The following RGSL1 variants were observed in gnomAD, a reference collection of about 807,000 sequenced individuals.
RGSL1 encodes the protein regulator of G protein signaling like 1, also known as regulator of G protein signaling protein-like.
Under a neutral mutation model 124.7 loss-of-function variants are expected in RGSL1, and 97 were observed. The observed-to-expected ratio is 0.78, with a 90% CI of 0.66 to 0.92. The LOEUF (loss-of-function observed/expected upper bound fraction) is 0.92, where lower values mean the gene tolerates loss of function less well. Among genes scored for constraint, RGSL1 ranks in the 40% least tolerant of loss-of-function variants. The pLI, the probability that RGSL1 is intolerant of heterozygous loss-of-function variation, is 0.00. For synonymous variants in RGSL1, 424 were observed against 438.1 expected, an observed-to-expected ratio of 0.97 and a Z score of 0.40; for missense variants, 1,233 against 1,288.4, an observed-to-expected ratio of 0.96 and a Z score of 0.66.
At chr1:182,490,662 C>T (rs1655449608) in intron 8 of RGSL1, among the ~76,000 whole-genome samples, 1 of 152,096 alleles carries the variant, frequency 6.6e-6, no homozygotes, top group South Asian at 2.1e-4. Context: ...ATATGTTGGG[C>T]AATAGGCGTT....
At chr1:182,515,649 G>A (rs1435166363) in intron 9 of RGSL1, among the ~76,000 whole-genome samples, 1 of 152,144 alleles carries the variant, frequency 6.6e-6, no homozygotes, top group Non-Finnish European at 1.5e-5. Context: ...TTAGACCAGT[G>A]AGGATCCTTC....
chr1:182,504,596 C>T (rs1656673950), intron 9 of RGSL1, among the ~76,000 whole-genome samples: 1 of 150,170 alleles, frequency 6.7e-6, no homozygotes, highest in Admixed American at 6.7e-5. Context: ...TAGAAACTCC[C>T]CAGGATTTGT....
chr1:182,555,770 G>T (rs550285163), intron 20 of RGSL1: 3 of 467,340 alleles, frequency 6.4e-6, no homozygotes, highest in Non-Finnish European at 7.7e-6. Context: ...TTATTTGCCC[G>T]TCCCAGTGCC....
intron 9 of RGSL1, among the ~76,000 whole-genome samples, chr1:182,519,158 G>A (rs1394381795): frequency 6.6e-6 from 1 of 151,922 alleles, no homozygotes; most frequent in East Asian, 1.9e-4. Context: ...ATGTATTATT[G>A]TTTTATGAGT....
At chr1:182,488,777 A>C (rs944957586) in intron 7 of RGSL1, 3 of 500,640 alleles carry the variant, frequency 6.0e-6, no homozygotes, top group Non-Finnish European at 1.0e-5. Flanking sequence ...ACAACCACAG[A>C]AAATTTCTTC....
chr1:182,532,090 G>T (rs931372676), intron 13 of RGSL1, among the ~76,000 whole-genome samples: 1 of 152,060 alleles, frequency 6.6e-6, no homozygotes, highest in Non-Finnish European at 1.5e-5. Flanking sequence ...AGTCTTTCTG[G>T]CTCTAAGTAT....
intron 10 of RGSL1, 148 bp from the exon 11 acceptor site, chr1:182,527,431 A>G: frequency 3.3e-6 from 2 of 611,562 alleles, no homozygotes; most frequent in Non-Finnish European, 5.6e-6. Flanking sequence ...AAAGAAATAG[A>G]CAGATTTAGC....
intron 4 of RGSL1, among the ~76,000 whole-genome samples, chr1:182,469,909 A>G (rs1182798827): frequency 1.3e-5 from 2 of 152,194 alleles, no homozygotes; most frequent in Non-Finnish European, 2.9e-5. Flanking sequence ...CAGTCACAGA[A>G]AGACAAATAC....
At chr1:182,548,500 T>A in intron 16 of RGSL1, 45 bp downstream of exon 16, 2 of 1,548,704 alleles carry the variant, frequency 1.3e-6, no homozygotes, top group Non-Finnish European at 1.7e-6. Flanking sequence ...CCAAGAAGCA[T>A]TTCCCCCACA....
intron 10 of RGSL1, among the ~76,000 whole-genome samples, chr1:182,522,813 C>A (rs1229016797): frequency 6.6e-6 from 1 of 152,136 alleles, no homozygotes; most frequent in Non-Finnish European, 1.5e-5. Flanking sequence ...TGTTTTCCAA[C>A]TTCTTGACTT....
chr1:182,454,095 C>A, intron 2 of RGSL1, 55 bp downstream of exon 2: 1 of 1,024,062 alleles, frequency 9.8e-7, no homozygotes, highest in Non-Finnish European at 1.5e-6. Context: ...AATAGTGAAT[C>A]TCACAGAGCT....
At chr1:182,533,119 C>G (rs776286827) in intron 14 of RGSL1, among the ~76,000 whole-genome samples, 1 of 152,084 alleles carries the variant, frequency 6.6e-6, no homozygotes, top group Non-Finnish European at 1.5e-5. Flanking sequence ...TTAATACATG[C>G]TGTTAATAAA....
chr1:182,532,692 A>G lies in RGSL1; in HGVS notation c.2395A>G (p.Ile799Val). ...AGGCTGGATGAGAATGATCAGCTTT[A>G]TCAGGAGTTTTTGCAAGTACCGCAG... is the stretch of plus-strand genomic sequence containing the variant. ...KKGWMRMISF[I>V]RSFCKYRRFM... is the part of the protein sequence containing the mutation. The change falls in exon 14 of 22, where the codon ATC (isoleucine) becomes GTC (valine). Residue 799 changes from isoleucine to valine, a missense_variant. Physicochemically the swap from Ile to Val is conservative, Grantham distance 29 (BLOSUM62 3). Coordinates refer to ENST00000294854, the MANE Select transcript of RGSL1 (RefSeq NM_001137669.2). 6.4e-7 allele frequency: 1 copy of G among 1,551,048 alleles called. No homozygotes were observed. Among genetic ancestry groups the G allele is most frequent in the Non-Finnish European group, 8.7e-7 (1 of 1,146,442 alleles).
chr1:182,540,025 C>T (rs998144430), intron 14 of RGSL1, among the ~76,000 whole-genome samples: 1 of 152,134 alleles, frequency 6.6e-6, no homozygotes, highest in Admixed American at 6.6e-5. Context: ...TAAGCACCTT[C>T]GGTGCTCAGT....
At chr1:182,509,254 T>A (rs1366845186) in intron 9 of RGSL1, among the ~76,000 whole-genome samples, 30 of 50,138 alleles carry the variant, frequency 6.0e-4, no homozygotes, top group Non-Finnish European at 1.3e-3. Flanking sequence ...CACTTCCCAG[T>A]AGGGGCGGCC....
At chr1:182,530,171 A>C (rs1366108578) in intron 11 of RGSL1, 73 bp from the exon 12 acceptor site, 8 of 1,195,828 alleles carry the variant, frequency 6.7e-6, no homozygotes, top group Non-Finnish European at 9.4e-6. Flanking sequence ...AAAAAAAAAA[A>C]ACAAAAAACC....
chr1:182,468,967 C>T (rs903360380), intron 4 of RGSL1, among the ~76,000 whole-genome samples: 3 of 151,924 alleles, frequency 2.0e-5, no homozygotes, highest in Non-Finnish European at 4.4e-5. Flanking sequence ...TGGATGTCCA[C>T]GTGCGAAATA....
rs1241707172 is a variant in RGSL1 at position 182,473,772 on chromosome 1, A to G, written c.661A>G (p.Ser221Gly). The change falls in exon 6 of 22, where the codon AGC becomes GGC. Residue 221 changes from serine (S) to glycine (G), a missense_variant. Coordinates refer to ENST00000294854, the MANE Select transcript of RGSL1 (RefSeq NM_001137669.2). Reference sequence around the variant, plus strand: ...GCAAGAGTACGAGACTCGCTTATACAGCGTTTGCTACACCCACATAGGAGG... The same window carrying G: ...GCAAGAGTACGAGACTCGCTTATACGGCGTTTGCTACACCCACATAGGAGG... ...LMQEYETRLY[S>G]VCYTHIGGLP... 2 of 1,551,628 alleles carry G rather than the reference A, an allele frequency of 1.3e-6. No homozygotes were observed. The highest frequency in any genetic ancestry group is 1.7e-6 in the Non-Finnish European group (2 of 1,147,010).
intron 6 of RGSL1, among the ~76,000 whole-genome samples, chr1:182,480,049 A>C (rs912346948): frequency 1.3e-5 from 2 of 152,208 alleles, no homozygotes; most frequent in African/African-American, 4.8e-5. Flanking sequence ...TTAATAGAAG[A>C]CTTCAATACC....
Sources: allele counts gnomAD v4.1 joint callset (sites outside exome capture counted in the v4.1 genomes callset), GRCh38; gene constraint gnomAD v4.1.1; transcripts MANE v1.5; gene names NCBI Gene and HGNC (gene_info 2026-07-23, HGNC 2026-07-21).